Variants in ZBTB43 observed in about 807,000 individuals in gnomAD.
ZBTB43 encodes the protein zinc finger and BTB domain-containing protein 43.
ZBTB43 carries 6 observed loss-of-function variants against 31.1 expected under a neutral mutation model. That is an observed-to-expected ratio of 0.19 (90% CI 0.11 to 0.38). The LOEUF is 0.38. Ranked by LOEUF, ZBTB43 falls within the 10% of genes least tolerant of loss-of-function variation. ZBTB43 has a pLI of 1.00. For synonymous variants in ZBTB43, 212 were observed against 221.7 expected (o/e 0.96, Z 0.39); for missense variants, 379 against 602.1 (o/e 0.63, Z 3.88).
Position 126,807,893 on chromosome 9 carries a change from C to T in ZBTB43, c.-146-900C>T, listed in dbSNP as rs538867595. Among the ~76,000 whole-genome samples the T allele has an allele frequency of 2.6e-5, 4 of 152,302 alleles. No homozygotes were observed. In the South Asian group the frequency reaches 8.3e-4, roughly 32 times the overall value. ...TCAAATGATCCACCTGCCTTGGCCTCCCAAAGTGCTGGGATTAACAAGTGT... is the reference window on the plus strand; with the variant it reads ...TCAAATGATCCACCTGCCTTGGCCTTCCAAAGTGCTGGGATTAACAAGTGT... On this transcript the variant is annotated intron_variant, in intron 1 of 2. Coordinates refer to ENST00000373464, the MANE Select transcript of ZBTB43 (RefSeq NM_014007.4).
At position 126,836,777 on chromosome 9, in the gene ZBTB43, A is replaced by G. The variant is rs1442420287; in HGVS notation, c.*2864A>G. On this transcript the variant is annotated 3_prime_UTR_variant, in exon 3 of 3. Transcript: ENST00000373464. ...TGGTTTTTCTTCAATCCCCATGGGA[A>G]AGGGCTTCAAGGCACCACCAGTGGT... 2 of 167,002 alleles carry G rather than the reference A, an allele frequency of 1.2e-5. No homozygotes were observed. Among genetic ancestry groups the G allele is most frequent in the Non-Finnish European group, 2.9e-5 (2 of 68,130 alleles). The allele number at this position is 167,002 out of a possible 1,614,324, so 10.3% of individuals were successfully genotyped here. A position where few individuals can be genotyped will look rare whatever the true frequency, so the allele number is the denominator to read the frequency against.
intron 2 of ZBTB43, among the ~76,000 whole-genome samples, chr9:126,827,393 C>T (rs746408112): frequency 3.3e-5 from 5 of 152,188 alleles, no homozygotes; most frequent in Non-Finnish European, 5.9e-5. Context: ...ACCCCCTCCT[C>T]TTGTATGAGC....
At chr9:126,814,621 G>C (rs1290485398) in intron 2 of ZBTB43, among the ~76,000 whole-genome samples, 2 of 151,878 alleles carry the variant, frequency 1.3e-5, no homozygotes, top group East Asian at 3.9e-4. Context: ...GTGAAACACT[G>C]TCTCTACTAA....
rs965249124 is a variant in ZBTB43, at chr9:126,836,026, C to T, written c.*2113C>T. 1 of 167,048 alleles carries T rather than the reference C, an allele frequency of 6.0e-6. No individual in the cohort carries two copies. Among genetic ancestry groups the T allele is most frequent in the African/African-American group, 2.4e-5 (1 of 41,422 alleles). The allele number at this position is 167,048 out of a possible 1,614,324, so 10.3% of individuals were successfully genotyped here. ...ATTTTGTTCTGCCAAAAACTGATCACCCTCTCCCATGGTATTAGCAGAGCA... is the reference window on the plus strand; with the variant it reads ...ATTTTGTTCTGCCAAAAACTGATCATCCTCTCCCATGGTATTAGCAGAGCA... On this transcript the variant is annotated 3_prime_UTR_variant, in exon 3 of 3. Transcript: ENST00000373464.
At position 126,836,236 on chromosome 9, in the gene ZBTB43, A is replaced by G. The variant is rs2032875560; in HGVS notation, c.*2323A>G. On this transcript the variant is annotated 3_prime_UTR_variant, in exon 3 of 3. Transcript: ENST00000373464. ...ATGAGGAAGAGTTTCTGTTCAGCCA[A>G]GAGTGGTGGCACGCTTGGGTGGTAG... 2 of 167,132 alleles carry G rather than the reference A, an allele frequency of 1.2e-5. No homozygotes were observed. The highest frequency in any genetic ancestry group is 4.8e-5 in the African/African-American group (2 of 41,462). 10.4% of individuals were successfully genotyped at this position (167,132 alleles called of 1,614,324 possible). A position where few individuals can be genotyped will look rare whatever the true frequency, so the allele number is the denominator to read the frequency against.
intron 1 of ZBTB43, among the ~76,000 whole-genome samples, chr9:126,807,244 G>T (rs746472079): frequency 6.6e-6 from 1 of 152,148 alleles, no homozygotes; most frequent in Admixed American, 6.5e-5. Flanking sequence ...CGCTCTTATC[G>T]TTTAGACTTT....
chr9:126,826,173 C>T (rs2032630999), intron 2 of ZBTB43, among the ~76,000 whole-genome samples: 1 of 151,778 alleles, frequency 6.6e-6, no homozygotes, highest in African/African-American at 2.4e-5. Context: ...ACCACCACGC[C>T]CAGCTTATTT....
At chr9:126,812,071 G>A (rs578219325) in intron 2 of ZBTB43, among the ~76,000 whole-genome samples, 5 of 152,054 alleles carry the variant, frequency 3.3e-5, no homozygotes, top group South Asian at 2.1e-4. Flanking sequence ...CCAGTTAGCA[G>A]TTGCTCCCCA....
chr9:126,816,761 A>T (rs2032394650), intron 2 of ZBTB43, among the ~76,000 whole-genome samples: 1 of 152,160 alleles, frequency 6.6e-6, no homozygotes, highest in Non-Finnish European at 1.5e-5. Flanking sequence ...AGCTCTGTGT[A>T]CTTTCTTTGC....
upstream of ZBTB43, among the ~76,000 whole-genome samples, chr9:126,804,436 C>G (rs528095812): frequency 3.3e-4 from 50 of 152,216 alleles, no homozygotes; most frequent in Admixed American, 7.8e-4. Flanking sequence ...GGTTTTCGTT[C>G]GTTTGTTTAG....
intron 1 of ZBTB43, among the ~76,000 whole-genome samples, chr9:126,807,214 A>G (rs1233627438): frequency 6.6e-6 from 1 of 152,228 alleles, no homozygotes; most frequent in African/African-American, 2.4e-5. Flanking sequence ...AAACCCTGCT[A>G]ATTGAACTAT....
intron 2 of ZBTB43, among the ~76,000 whole-genome samples, chr9:126,809,443 A>G (rs990932376): frequency 3.0e-4 from 45 of 152,210 alleles, no homozygotes; most frequent in African/African-American, 9.2e-4. Context: ...TATGCTTTCT[A>G]TAGTAAGCAT....
chr9:126,816,615 C>T lies in ZBTB43; in HGVS notation c.-24+7700C>T, dbSNP rs1333788371. Among the ~76,000 whole-genome samples the T allele has an allele frequency of 3.9e-5, 6 of 152,168 alleles. No individual in the cohort carries two copies. In the East Asian group the frequency reaches 1.2e-3, roughly 29 times the overall value. On this transcript the variant is annotated intron_variant, in intron 2 of 2. Coordinates refer to ENST00000373464, the MANE Select transcript of ZBTB43 (RefSeq NM_014007.4). ...TCAGGTCTGAAATTTGCTTTTGGGT[C>T]CCTTGTTGTATACCCGAATATTGTT...
chr9:126,806,334 A>C (rs906156261), intron 1 of ZBTB43, among the ~76,000 whole-genome samples: 1 of 152,238 alleles, frequency 6.6e-6, no homozygotes, highest in Non-Finnish European at 1.5e-5. Context: ...AAACCTAATA[A>C]TTGGGAATTT....
chr9:126,822,929 T>A (rs1011554403), intron 2 of ZBTB43, among the ~76,000 whole-genome samples: 20 of 151,264 alleles, frequency 1.3e-4, no homozygotes, highest in African/African-American at 4.6e-4. Context: ...GGTGAGTACT[T>A]TTTTTTTTTT....
chr9:126,810,727 T>A (rs1312130128), intron 2 of ZBTB43, among the ~76,000 whole-genome samples: 1 of 150,360 alleles, frequency 6.7e-6, no homozygotes, highest in Non-Finnish European at 1.5e-5. Flanking sequence ...ATGGTCTCCA[T>A]CTTTTGACCT....
chr9:126,832,911 A>C lies in ZBTB43; in HGVS notation c.402A>C (p.Leu134=). The C allele has an allele frequency of 6.2e-7, 1 of 1,613,924 alleles. No individual in the cohort carries two copies. Among genetic ancestry groups the C allele is most frequent in the Non-Finnish European group, 8.5e-7 (1 of 1,180,018 alleles). Residue 134 remains leucine, a synonymous_variant, in exon 3 of 3, where the codon CTA becomes CTC. Transcript: ENST00000373464. ...ACCCTACAGTCCTTTGTCAGAAGCTAAATCATGGCAGTGACCACCAGTCAC... is the reference window on the plus strand; with the variant it reads ...ACCCTACAGTCCTTTGTCAGAAGCTCAATCATGGCAGTGACCACCAGTCAC... The part of the protein sequence containing the change: ...EGNPTVLCQK[L]NHGSDHQSPS...
chr9:126,810,017 A>G (rs2032208649), intron 2 of ZBTB43, among the ~76,000 whole-genome samples: 1 of 151,808 alleles, frequency 6.6e-6, no homozygotes, highest in Non-Finnish European at 1.5e-5. Flanking sequence ...TTGTATTTTT[A>G]GTAGAGATGG....
chr9:126,809,713 T>TA (rs1354040941), intron 2 of ZBTB43, among the ~76,000 whole-genome samples: 7 of 152,162 alleles, frequency 4.6e-5, no homozygotes, highest in Admixed American at 6.5e-5. Context: ...TCATCTGCGT[T>TA]AAAAAAAGCC....
Sources: gnomAD v4.1 joint callset for allele counts (sites outside exome capture counted in the v4.1 genomes callset) on GRCh38, gnomAD v4.1.1 for gene constraint, MANE v1.5 for transcripts, NCBI Gene and HGNC (gene_info 2026-07-23, HGNC 2026-07-21) for gene names.